The following SPINK13 variants were observed in gnomAD, a reference collection of about 807,000 sequenced individuals.
SPINK13 encodes serine peptidase inhibitor Kazal type 13.
SPINK13 carries 11 observed loss-of-function variants against 11.0 expected under a neutral mutation model. That is an observed-to-expected ratio of 1.00 (90% CI 0.63 to 1.65). The LOEUF is 1.65. Among genes scored for constraint, SPINK13 ranks in the 40% most tolerant of loss-of-function variants. SPINK13 has a pLI of 0.00. For synonymous variants in SPINK13, 31 were observed against 35.6 expected, an observed-to-expected ratio of 0.87 and a Z score of 0.46; for missense variants, 113 against 117.7, an observed-to-expected ratio of 0.96 and a Z score of 0.19.
Position 148,286,227 on chromosome 5 carries a change from C to A in SPINK13, c.*179C>A, listed in dbSNP as rs59749626. 2 of 359,756 alleles carry A rather than the reference C, an allele frequency of 5.6e-6. No individual in the cohort carries two copies. Among genetic ancestry groups the A allele is most frequent in the South Asian group, 7.1e-5 (1 of 14,148 alleles). The allele number at this position is 359,756 out of a possible 1,614,324, so 22.3% of individuals were successfully genotyped here. Reference sequence around the variant, plus strand: ...CAAGAACCAAATATCACATTTGTTACAAATAAACAACAAAAGAGCTGATAT... The same window carrying A: ...CAAGAACCAAATATCACATTTGTTAAAAATAAACAACAAAAGAGCTGATAT... On this transcript the variant is annotated 3_prime_UTR_variant, in exon 5 of 5. Coordinates refer to ENST00000398450, the MANE Select transcript of SPINK13 (RefSeq NM_001040129.3).
In SPINK13 at chr5:148,270,053, A is replaced by G. The variant is rs1032407050; in HGVS notation, c.-20A>G. On this transcript the variant is annotated 5_prime_UTR_variant, in exon 2 of 5. Coordinates refer to ENST00000398450, the MANE Select transcript of SPINK13 (RefSeq NM_001040129.3). ...GCATGTTCACAGGCCTTATCAAAGA[A>G]GAGTCTTATATGAGATCAAATGGCT... is the stretch of plus-strand genomic sequence containing the variant. The G allele has an allele frequency of 2.5e-6, 4 of 1,612,846 alleles. No individual in the cohort carries two copies. The highest frequency in any genetic ancestry group is 1.7e-5 in the Admixed American group (1 of 59,928).
intron 3 of SPINK13, among the ~76,000 whole-genome samples, chr5:148,278,274 T>G (rs901764754): frequency 1.3e-5 from 2 of 152,216 alleles, no homozygotes; most frequent in African/African-American, 4.8e-5. Context: ...TCGCCTTCAG[T>G]TCTGCTCTGA....
At chr5:148,270,265 A>C in intron 2 of SPINK13, 123 bp downstream of exon 2, 3 of 849,782 alleles carry the variant, frequency 3.5e-6, no homozygotes, top group Non-Finnish European at 5.6e-6. Context: ...GTGCAGTCCA[A>C]ACTGGGTATA....
Position 148,274,025 on chromosome 5 carries a change from A to G in SPINK13, c.71-322A>G, listed in dbSNP as rs548864969. The stretch of plus-strand genomic sequence containing the variant: ...TTTAAAAATGCATGTAATTACCCCA[A>G]TTGCAGTGAAGAGGAAGCTAAAGCC... On this transcript the variant is annotated intron_variant, in intron 2 of 4. Transcript: ENST00000398450. Among the ~76,000 whole-genome samples the G allele has an allele frequency of 3.5e-4, 54 of 152,292 alleles. 1 individual carries two copies. The highest frequency in any genetic ancestry group is 2.3e-3 in the South Asian group (11 of 4,830).
intron 4 of SPINK13, among the ~76,000 whole-genome samples, chr5:148,284,970 C>A (rs538893612): frequency 6.6e-6 from 1 of 152,080 alleles, no homozygotes; most frequent in Non-Finnish European, 1.5e-5. Context: ...CATATGCATG[C>A]AAAGTTGATG....
At chr5:148,268,913 C>T (rs912972688) in intron 1 of SPINK13, 25 bp downstream of exon 1, 5 of 152,806 alleles carry the variant, frequency 3.3e-5, no homozygotes, top group African/African-American at 1.2e-4. Flanking sequence ...ACTTCTCTCT[C>T]CTTAGTCCAA....
intron 3 of SPINK13, among the ~76,000 whole-genome samples, chr5:148,275,980 G>T (rs1756422411): frequency 6.6e-6 from 1 of 152,056 alleles, no homozygotes; most frequent in African/African-American, 2.4e-5. Flanking sequence ...CCTTTTTAAT[G>T]ATCGCCATTC....
At chr5:148,277,190 G>A (rs944495636) in intron 3 of SPINK13, among the ~76,000 whole-genome samples, 2 of 152,190 alleles carry the variant, frequency 1.3e-5, no homozygotes, top group African/African-American at 4.8e-5. Context: ...AGATGATGGA[G>A]TTTTCTAAAT....
intron 3 of SPINK13, 49 bp downstream of exon 3, chr5:148,274,433 C>G (rs373170364): frequency 8.2e-6 from 12 of 1,470,816 alleles, no homozygotes; most frequent in Non-Finnish European, 1.1e-5. Context: ...TCTAATCACT[C>G]TCCAGACATG....
intron 3 of SPINK13, among the ~76,000 whole-genome samples, chr5:148,277,613 G>A (rs909012603): frequency 3.0e-4 from 46 of 152,122 alleles, no homozygotes; most frequent in Admixed American, 2.8e-3. Context: ...ACGTTGCATC[G>A]CAAGGATGAA....
At chr5:148,274,294 A>C in intron 2 of SPINK13, 53 bp from the exon 3 acceptor site, 1 of 1,348,912 alleles carries the variant, frequency 7.4e-7, no homozygotes, top group South Asian at 1.2e-5. Context: ...GTGATGTTAT[A>C]TCCCATGGAG....
At chr5:148,276,306 C>G (rs1367557268) in intron 3 of SPINK13, among the ~76,000 whole-genome samples, 2 of 152,110 alleles carry the variant, frequency 1.3e-5, no homozygotes, top group Non-Finnish European at 2.9e-5. Context: ...TAATCAGATC[C>G]CATTTGTCAA....
intron 2 of SPINK13, among the ~76,000 whole-genome samples, chr5:148,271,109 A>G (rs1756344085): frequency 6.6e-6 from 1 of 152,262 alleles, no homozygotes; most frequent in South Asian, 2.1e-4. Context: ...AGTAAAGCAG[A>G]CACTATAACC....
chr5:148,269,578 C>T (rs1406174275), intron 1 of SPINK13, among the ~76,000 whole-genome samples: 1 of 152,118 alleles, frequency 6.6e-6, no homozygotes, highest in Non-Finnish European at 1.5e-5. Flanking sequence ...CAGGGAATCA[C>T]ATGTTATAGG....
At chr5:148,277,260 C>T (rs1033610510) in intron 3 of SPINK13, among the ~76,000 whole-genome samples, 3 of 152,174 alleles carry the variant, frequency 2.0e-5, no homozygotes, top group African/African-American at 7.2e-5. Flanking sequence ...TATTTGAATA[C>T]ACTTTATTTC....
chr5:148,269,919 G>T (rs1301423238), intron 1 of SPINK13, 121 bp from the exon 2 acceptor site: 2 of 564,046 alleles, frequency 3.5e-6, no homozygotes, highest in Middle Eastern at 2.8e-4. Context: ...CTGGAGACCA[G>T]GTCAGTATAA....
Position 148,276,873 on chromosome 5 carries a change from G to A in SPINK13, c.108+2489G>A, listed in dbSNP as rs780763430. 4.5e-4 allele frequency among the ~76,000 whole-genome samples: 69 copies of A among 152,118 alleles called. 1 individual carries two copies. The highest frequency in any genetic ancestry group is 2.5e-4 in the Non-Finnish European group (17 of 68,028). ...TCTATAAATTACTTTGGGCAGTATC[G>A]CCATTTTCACAATATTGATTCTTCC... On this transcript the variant is annotated intron_variant, in intron 3 of 4. Transcript: ENST00000398450.
intron 4 of SPINK13, among the ~76,000 whole-genome samples, chr5:148,285,667 C>T (rs1224673227): frequency 6.6e-6 from 1 of 152,008 alleles, no homozygotes; most frequent in East Asian, 1.9e-4. Flanking sequence ...TTATGCATAG[C>T]ATTATTGCTG....
chr5:148,277,885 T>C (rs1756455172), intron 3 of SPINK13, among the ~76,000 whole-genome samples: 1 of 152,210 alleles, frequency 6.6e-6, no homozygotes, highest in African/African-American at 2.4e-5. Flanking sequence ...AGAATTCAGC[T>C]GTGAATCCAT....
Sources: gnomAD v4.1 joint callset for allele counts (sites outside exome capture counted in the v4.1 genomes callset) on GRCh38, gnomAD v4.1.1 for gene constraint, MANE v1.5 for transcripts, NCBI Gene and HGNC (gene_info 2026-07-23, HGNC 2026-07-21) for gene names.